Variants in CTDSPL observed in about 807,000 individuals in gnomAD.
CTDSPL encodes CTD small phosphatase-like protein.
CTDSPL carries 8 observed loss-of-function variants against 30.5 expected under a neutral mutation model. The observed-to-expected ratio is 0.26, with a 90% CI of 0.15 to 0.47. The LOEUF is 0.47. Among genes scored for constraint, CTDSPL ranks in the 20% least tolerant of loss-of-function variants. The probability of loss-of-function intolerance (pLI) is 0.99; values close to 1 mark genes in which losing one functional copy is unlikely to be tolerated. For missense variants in CTDSPL, 248 were observed against 366.1 expected, an observed-to-expected ratio of 0.68 and a Z score of 2.63; for synonymous variants, 110 against 137.9, an observed-to-expected ratio of 0.80 and a Z score of 1.42.
chr3:37,925,279 C>T (rs577363475), intron 1 of CTDSPL, among the ~76,000 whole-genome samples: 1 of 152,318 alleles, frequency 6.6e-6, no homozygotes, highest in South Asian at 2.1e-4. Context: ...ACTCAGGAGA[C>T]ATTTCTGTGT....
chr3:37,936,385 A>G (rs996239468), intron 1 of CTDSPL, among the ~76,000 whole-genome samples: 1 of 151,610 alleles, frequency 6.6e-6, no homozygotes, highest in Non-Finnish European at 1.5e-5. Flanking sequence ...CTGCTTTTGA[A>G]CTCTGTGCGG....
chr3:37,951,483 C>A (rs1342886725), intron 2 of CTDSPL, among the ~76,000 whole-genome samples: 1 of 152,084 alleles, frequency 6.6e-6, no homozygotes, highest in Non-Finnish European at 1.5e-5. Context: ...TGAGACCAGC[C>A]TGGGCAACAT....
intron 3 of CTDSPL, among the ~76,000 whole-genome samples, chr3:37,960,527 TATATATATACACACACAC>T (rs1403016532): frequency 1.1e-3 from 68 of 63,620 alleles, no homozygotes; most frequent in Middle Eastern, 0.011. Context: ...TATATATATA[TATATATATACACACACAC>T]ACACACACAC....
chr3:37,911,790 G>A lies in CTDSPL; in HGVS notation c.80-35267G>A, dbSNP rs181789864. ...GAGAAGGAGGACAGCCAGGCGCGGT[G>A]GTTCACGCCTATAATCCCAGCACTT... On this transcript the variant is annotated intron_variant, in intron 1 of 7. Transcript: ENST00000273179. 764 of 453,494 alleles carry A rather than the reference G, an allele frequency of 1.7e-3. 7 individuals carry two copies. Among genetic ancestry groups the A allele is most frequent in the African/African-American group, 0.014 (690 of 50,156 alleles). 28.1% of individuals were successfully genotyped at this position (453,494 alleles called of 1,614,324 possible). A position where few individuals can be genotyped will look rare whatever the true frequency, so the allele number is the denominator to read the frequency against.
intron 2 of CTDSPL, among the ~76,000 whole-genome samples, chr3:37,949,367 T>G (rs1699082713): frequency 6.6e-6 from 1 of 152,168 alleles, no homozygotes; most frequent in Admixed American, 6.5e-5. Context: ...TGAGGTACCA[T>G]CCAGCATAGA....
At chr3:37,947,322 C>G in intron 2 of CTDSPL, 111 bp downstream of exon 2, 1 of 1,294,096 alleles carries the variant, frequency 7.7e-7, no homozygotes, top group Non-Finnish European at 1.1e-6. Context: ...CGTGGTGGCT[C>G]ACGTCTGTAA....
intron 2 of CTDSPL, among the ~76,000 whole-genome samples, chr3:37,953,803 A>G (rs780858160): frequency 2.0e-5 from 3 of 152,228 alleles, no homozygotes; most frequent in Non-Finnish European, 4.4e-5. Flanking sequence ...TTCTAAAAAT[A>G]AACAGCAACC....
At chr3:37,916,871 T>G (rs906447150) in intron 1 of CTDSPL, among the ~76,000 whole-genome samples, 7 of 152,158 alleles carry the variant, frequency 4.6e-5, no homozygotes, top group African/African-American at 1.7e-4. Context: ...TGATGCTATA[T>G]GGGATCAGAG....
In CTDSPL at chr3:37,982,993, A is replaced by C. The variant is rs1699509805; in HGVS notation, c.*2126A>C. 1 of 217,090 alleles carries C rather than the reference A, an allele frequency of 4.6e-6. No individual in the cohort carries two copies. The highest frequency in any genetic ancestry group is 9.5e-6 in the Non-Finnish European group (1 of 104,748). The allele number at this position is 217,090 out of a possible 1,614,324, so 13.4% of individuals were successfully genotyped here. A position where few individuals can be genotyped will look rare whatever the true frequency, so the allele number is the denominator to read the frequency against. ...GAGGATGGAAATCATAAAATATTTC[A>C]TGGGAATCGAACCTAGGGATAGTGC... On this transcript the variant is annotated 3_prime_UTR_variant, in exon 8 of 8. Transcript: ENST00000273179.
At chr3:37,980,500 A>G (rs1032500199) in intron 7 of CTDSPL, among the ~76,000 whole-genome samples, 2 of 152,218 alleles carry the variant, frequency 1.3e-5, no homozygotes, top group Admixed American at 6.5e-5. Flanking sequence ...GGAAAACAAA[A>G]CAGGCAAATG....
At chr3:37,942,909 T>C (rs1365186507) in intron 1 of CTDSPL, among the ~76,000 whole-genome samples, 3 of 150,228 alleles carry the variant, frequency 2.0e-5, no homozygotes, top group African/African-American at 7.3e-5. Context: ...TTACCTGTCA[T>C]GTCAAGAATT....
chr3:37,909,760 G>A (rs924961772), intron 1 of CTDSPL, among the ~76,000 whole-genome samples: 4 of 152,234 alleles, frequency 2.6e-5, no homozygotes, highest in Admixed American at 6.5e-5. Context: ...TGAGCTCTGG[G>A]CCATAAGGCC....
At chr3:37,968,301 C>A (rs1453344268) in intron 5 of CTDSPL, 1 of 452,420 alleles carries the variant, frequency 2.2e-6, no homozygotes, top group Admixed American at 2.4e-5. Context: ...CTGCTCCAGA[C>A]TGATCTTATC....
At chr3:37,898,877 A>G (rs1224251680) in intron 1 of CTDSPL, among the ~76,000 whole-genome samples, 1 of 152,232 alleles carries the variant, frequency 6.6e-6, no homozygotes, top group East Asian at 1.9e-4. Flanking sequence ...GAAGCCTCAT[A>G]TCTTATGGGG....
At chr3:37,964,200 C>T (rs2125630522) in intron 3 of CTDSPL, among the ~76,000 whole-genome samples, 1 of 152,156 alleles carries the variant, frequency 6.6e-6, no homozygotes, top group South Asian at 2.1e-4. Context: ...TTGTGTAATC[C>T]ATTTTAATAA....
At chr3:37,928,096 A>G (rs1232071099) in intron 1 of CTDSPL, among the ~76,000 whole-genome samples, 1 of 152,188 alleles carries the variant, frequency 6.6e-6, no homozygotes, top group Non-Finnish European at 1.5e-5. Context: ...AGGCTGAATA[A>G]TATTCCATTG....
At chr3:37,931,905 A>G (rs1345280808) in intron 1 of CTDSPL, among the ~76,000 whole-genome samples, 1 of 152,152 alleles carries the variant, frequency 6.6e-6, no homozygotes, top group Non-Finnish European at 1.5e-5. Context: ...CTAAGTTCCA[A>G]TGGTATGTTT....
At chr3:37,877,237 G>A (rs528438480) in intron 1 of CTDSPL, among the ~76,000 whole-genome samples, 80 of 151,966 alleles carry the variant, frequency 5.3e-4, no homozygotes, top group Non-Finnish European at 9.4e-4. Flanking sequence ...TTGCAAAAAC[G>A]AAACTATTCA....
At chr3:37,899,333 C>T (rs1419037278) in intron 1 of CTDSPL, among the ~76,000 whole-genome samples, 3 of 152,188 alleles carry the variant, frequency 2.0e-5, no homozygotes, top group African/African-American at 4.8e-5. Flanking sequence ...CTAGCCCATC[C>T]TAAAGCCAGA....
Sources: gnomAD v4.1 joint callset for allele counts (sites outside exome capture counted in the v4.1 genomes callset) on GRCh38, gnomAD v4.1.1 for gene constraint, MANE v1.5 for transcripts, NCBI Gene and HGNC (gene_info 2026-07-23, HGNC 2026-07-21) for gene names.